The following DMXL1 variants were observed in gnomAD, a reference collection of about 807,000 sequenced individuals.
DMXL1 encodes dmX-like protein 1.
In DMXL1, 99 loss-of-function variants were observed where a neutral mutation model predicts 319.2. That is an observed-to-expected ratio of 0.31 (90% CI 0.26 to 0.37). DMXL1 has a LOEUF of 0.37. Ranked by LOEUF, DMXL1 falls within the 10% of genes least tolerant of loss-of-function variation. The pLI, the probability that DMXL1 is intolerant of heterozygous loss-of-function variation, is 1.00. For synonymous variants in DMXL1, 1,385 were observed against 1,235.2 expected, an observed-to-expected ratio of 1.12 and a Z score of -2.54; for missense variants, 3,745 against 3,595.6, an observed-to-expected ratio of 1.04 and a Z score of -1.06.
intron 39 of DMXL1, among the ~76,000 whole-genome samples, chr5:119,233,696 G>A (rs1437110708): frequency 1.3e-5 from 2 of 152,066 alleles, no homozygotes; most frequent in Non-Finnish European, 2.9e-5. Flanking sequence ...ATGACCAAAC[G>A]ATTATAAGTT....
chr5:119,149,845 C>T lies in DMXL1; in HGVS notation c.4018C>T (p.Arg1340Trp), dbSNP rs993973809. 27 of 1,613,772 alleles carry T rather than the reference C, an allele frequency of 1.7e-5. No homozygotes were observed. Among genetic ancestry groups the T allele is most frequent in the Non-Finnish European group, 2.2e-5 (26 of 1,179,914 alleles). Reference protein sequence around the residue: ...LLELMDLGKVRRAKAILSHLV... With the variant: ...LLELMDLGKVWRAKAILSHLV... ...GGAACTCATGGATCTTGGTAAAGTT[C>T]GGAGAGCCAAGGCCATCTTGTCCCA... The change falls in exon 18 of 44, where the codon CGG becomes TGG. Residue 1340 changes from arginine (R) to tryptophan (W), a missense_variant. By Grantham distance (101) the Arg-to-Trp change is moderately radical. This residue lies in a region of DMXL1 where 2,096 missense variants were observed against 1,985.4 expected (regional missense o/e 1.06). Coordinates refer to ENST00000539542, the MANE Select transcript of DMXL1 (RefSeq NM_001290321.3).
chr5:119,166,826 T>C (rs1300147279), intron 22 of DMXL1, 45 bp downstream of exon 22: 1 of 1,496,762 alleles, frequency 6.7e-7, no homozygotes, highest in South Asian at 1.3e-5. Context: ...ATGTCATCTT[T>C]TAAAGCTCCT....
chr5:119,134,515 T>G (rs753138646), intron 13 of DMXL1, 126 bp downstream of exon 13: 73 of 837,810 alleles, frequency 8.7e-5, no homozygotes, highest in Non-Finnish European at 1.2e-4. Flanking sequence ...TTTGTTTTAT[T>G]TTTTCACATT....
At chr5:119,169,095 G>T (rs1416250060) in intron 23 of DMXL1, among the ~76,000 whole-genome samples, 1 of 151,736 alleles carries the variant, frequency 6.6e-6, no homozygotes, top group Non-Finnish European at 1.5e-5. Context: ...CTGGAGATGG[G>T]GTTTCACCAT....
intron 15 of DMXL1, among the ~76,000 whole-genome samples, chr5:119,146,127 GTGCTCTAATAATACC>G (rs985611161): frequency 2.0e-5 from 3 of 151,694 alleles, no homozygotes; most frequent in African/African-American, 7.3e-5. Context: ...CAAAGTCTTT[GTGCTCTAATAATACC>G]TGCTTTCTCA....
chr5:119,086,029 AAG>A (rs1308011072), intron 1 of DMXL1, among the ~76,000 whole-genome samples: 3 of 152,190 alleles, frequency 2.0e-5, no homozygotes, highest in African/African-American at 7.2e-5. Flanking sequence ...GCTGCTGATA[AAG>A]ACATACCCAA....
At chr5:119,195,855 C>T (rs1038819211) in intron 30 of DMXL1, among the ~76,000 whole-genome samples, 1 of 152,174 alleles carries the variant, frequency 6.6e-6, no homozygotes, top group African/African-American at 2.4e-5. Flanking sequence ...TGTGAAATCA[C>T]AAGTTTTACT....
intron 8 of DMXL1, 47 bp downstream of exon 8, chr5:119,119,051 G>T: frequency 1.5e-6 from 2 of 1,322,014 alleles, no homozygotes; most frequent in Non-Finnish European, 2.1e-6. Context: ...AAAACCTTTG[G>T]TACATTGCCT....
At chr5:119,072,449 C>T (rs1452315456) in intron 1 of DMXL1, among the ~76,000 whole-genome samples, 1 of 151,916 alleles carries the variant, frequency 6.6e-6, no homozygotes, top group Non-Finnish European at 1.5e-5. Flanking sequence ...ATGATTTTTG[C>T]TACAATTTGT....
rs1779912937 is a variant in DMXL1 at position 119,197,786 on chromosome 5, G to A, written c.7575G>A (p.Ala2525=). The part of the protein sequence containing the change: ...ELPVSSPLCH[A]VLKTLQCWEQ... ...CAGTTAGTTCACCTCTTTGTCATGC[G>A]GTTCTAAAAACTCTTCAATGTTGGG... Residue 2525 remains alanine (A), a synonymous_variant, in exon 32 of 44, where the codon GCG becomes GCA. Transcript: ENST00000539542. 7 of 1,613,924 alleles carry A rather than the reference G, an allele frequency of 4.3e-6. No individual in the cohort carries two copies. Among genetic ancestry groups the A allele is most frequent in the South Asian group, 1.1e-5 (1 of 91,068 alleles).
rs911246792 is a variant in DMXL1, at chr5:119,203,405, A to C, written c.7832A>C (p.Asn2611Thr). ...QEEIQETFIK[N>T]IFTKKRCLNE... ...GAAATTCAGGAAACCTTTATCAAAA[A>C]TATATTCACAAAGAAACGGTGTCTA... Residue 2611 changes from asparagine to threonine, a missense_variant, in exon 33 of 44, where the codon AAT (asparagine) becomes ACT (threonine). Physicochemically the swap from Asn to Thr is moderately conservative, Grantham distance 65. Around this residue, in one of 4 missense-constraint regions of DMXL1, gnomAD observed 1,382 missense variants for 1,269.5 expected, o/e 1.09. Coordinates refer to ENST00000539542, the MANE Select transcript of DMXL1 (RefSeq NM_001290321.3). 4.4e-6 allele frequency: 7 copies of C among 1,604,368 alleles called. No homozygotes were observed. Among genetic ancestry groups the C allele is most frequent in the African/African-American group, 1.3e-5 (1 of 74,642 alleles).
At chr5:119,186,931 G>T (rs945362328) in intron 28 of DMXL1, among the ~76,000 whole-genome samples, 14 of 151,938 alleles carry the variant, frequency 9.2e-5, no homozygotes, top group Non-Finnish European at 1.8e-4. Flanking sequence ...GTCGTGGGGT[G>T]GGGGGATGGG....
chr5:119,216,880 G>T (rs1561896335), intron 34 of DMXL1, 21 bp from the exon 35 acceptor site: 3 of 1,413,106 alleles, frequency 2.1e-6, no homozygotes, highest in African/African-American at 1.4e-5. Flanking sequence ...GCATTTTTGT[G>T]TTTTGTTTCC....
chr5:119,072,772 C>T (rs962412970), intron 1 of DMXL1, among the ~76,000 whole-genome samples: 3 of 152,136 alleles, frequency 2.0e-5, no homozygotes, highest in Admixed American at 6.5e-5. Flanking sequence ...CAAATAGAGA[C>T]TGTACCTCCC....
intron 43 of DMXL1, 34 bp downstream of exon 43, chr5:119,244,610 T>C (rs777163338): frequency 3.3e-6 from 5 of 1,536,482 alleles, no homozygotes; most frequent in Non-Finnish European, 4.5e-6. Context: ...ATCTACAAAA[T>C]GAAATCTTCA....
chr5:119,151,196 A>G (rs1769714817), intron 18 of DMXL1, among the ~76,000 whole-genome samples: 2 of 152,072 alleles, frequency 1.3e-5, no homozygotes, highest in South Asian at 2.1e-4. Flanking sequence ...GAAAAGCATA[A>G]TGTAATTAGG....
At position 119,171,206 on chromosome 5, in the gene DMXL1, C is replaced by G. The variant is rs2150265436; in HGVS notation, c.6415C>G (p.Leu2139Val). 6.2e-7 allele frequency: 1 copy of G among 1,613,302 alleles called. No individual in the cohort carries two copies. Among genetic ancestry groups the G allele is most frequent in the Middle Eastern group, 1.7e-4 (1 of 6,056 alleles). ...GAGAATGTTTCTTAGTTACTGCATA[C>G]TTCATGGATCCCATGGTGGGGGTCT... ...LLRMFLSYCI[L>V]HGSHGGGLAS... The change falls in exon 24 of 44, where the codon CTT (leucine) becomes GTT (valine). Residue 2139 changes from leucine to valine, a missense_variant. By Grantham distance (32) the Leu-to-Val change is conservative. Transcript: ENST00000539542.
chr5:119,130,894 C>T (rs780523526), intron 10 of DMXL1, among the ~76,000 whole-genome samples: 20 of 152,002 alleles, frequency 1.3e-4, no homozygotes, highest in Non-Finnish European at 2.5e-4. Context: ...ATATCAATAA[C>T]TTCTGACAAA....
chr5:119,138,819 CAGAG>C (rs959861421), intron 13 of DMXL1: 6 of 152,138 alleles, frequency 3.9e-5, no homozygotes, highest in South Asian at 2.1e-4. Context: ...CCTTGGGTGA[CAGAG>C]AGAGACACCA....
Sources: gnomAD v4.1 joint callset for allele counts (sites outside exome capture counted in the v4.1 genomes callset) on GRCh38, gnomAD v4.1.1 for gene constraint, gnomAD v4.1.1 regional missense constraint, MANE v1.5 for transcripts, NCBI Gene and HGNC (gene_info 2026-07-23, HGNC 2026-07-21) for gene names.